WWC2: variants seen among roughly 807,000 people sequenced by gnomAD.
WWC2 encodes protein WWC2.
WWC2 carries 101 observed loss-of-function variants against 138.5 expected under a neutral mutation model. The observed-to-expected ratio is 0.73, with a 90% confidence interval of 0.62 to 0.86. The LOEUF is 0.86. Ranked by LOEUF, WWC2 falls within the 40% of genes least tolerant of loss-of-function variation. The pLI is 0.00. For missense variants in WWC2, 1,420 were observed against 1,419.4 expected (o/e 1.00, Z -0.01); for synonymous variants, 558 against 538.4 (o/e 1.04, Z -0.50).
At chr4:183,111,779 A>C (rs1732240408) in intron 1 of WWC2, among the ~76,000 whole-genome samples, 1 of 150,754 alleles carries the variant, frequency 6.6e-6, no homozygotes, top group South Asian at 2.1e-4. Flanking sequence ...TTGCAGCCTC[A>C]ATCTCCCTGG....
intron 1 of WWC2, among the ~76,000 whole-genome samples, chr4:183,188,490 A>ACCTTG (rs1734881234): frequency 6.6e-6 from 1 of 152,124 alleles, no homozygotes; most frequent in Non-Finnish European, 1.5e-5. Flanking sequence ...TGCCTGTCTC[A>ACCTTG]GCATCCCAAA....
At chr4:183,298,534 T>G (rs1398414648) in intron 21 of WWC2, among the ~76,000 whole-genome samples, 1 of 152,184 alleles carries the variant, frequency 6.6e-6, no homozygotes, top group African/African-American at 2.4e-5. Context: ...TGGCTTCACT[T>G]TCTCATTACC....
intron 4 of WWC2, among the ~76,000 whole-genome samples, chr4:183,229,010 C>G (rs575987192): frequency 6.6e-6 from 1 of 152,102 alleles, no homozygotes; most frequent in African/African-American, 2.4e-5. Context: ...AAAGACAAAA[C>G]TATTTACAGG....
At chr4:183,225,291 A>G (rs966679354) in intron 4 of WWC2, among the ~76,000 whole-genome samples, 1 of 152,244 alleles carries the variant, frequency 6.6e-6, no homozygotes, top group Non-Finnish European at 1.5e-5. Flanking sequence ...GATCAATGGA[A>G]CTGAACATCC....
At position 183,319,450 on chromosome 4, in the gene WWC2, C is replaced by A; in HGVS notation, c.*3721C>A. 1 of 1,185,878 alleles carries A rather than the reference C, an allele frequency of 8.4e-7. No homozygotes were observed. Among genetic ancestry groups the A allele is most frequent in the East Asian group, 2.4e-5 (1 of 42,352 alleles). 73.5% of individuals were successfully genotyped at this position (1,185,878 alleles called of 1,614,324 possible). A position where few individuals can be genotyped will look rare whatever the true frequency, so the allele number is the denominator to read the frequency against. The stretch of plus-strand genomic sequence containing the variant: ...AGTTTAATAGCCACAGGAAAAGATG[C>A]ATTTTCAAAAATCAAAAGCACAGTG... On this transcript the variant is annotated 3_prime_UTR_variant, in exon 23 of 23. Coordinates refer to ENST00000403733, the MANE Select transcript of WWC2 (RefSeq NM_024949.6).
chr4:183,283,573 G>A (rs926094511), intron 18 of WWC2, among the ~76,000 whole-genome samples: 1 of 152,214 alleles, frequency 6.6e-6, no homozygotes, highest in African/African-American at 2.4e-5. Flanking sequence ...CAAGAGGCAG[G>A]TTTGGAATCA....
At chr4:183,157,355 T>C (rs1343249160) in intron 1 of WWC2, among the ~76,000 whole-genome samples, 1 of 152,180 alleles carries the variant, frequency 6.6e-6, no homozygotes, top group East Asian at 1.9e-4. Flanking sequence ...CATGATGATG[T>C]CTCTTGGTTC....
chr4:183,257,657 A>C (rs960097158), intron 9 of WWC2, among the ~76,000 whole-genome samples: 3 of 152,128 alleles, frequency 2.0e-5, no homozygotes, highest in Non-Finnish European at 4.4e-5. Flanking sequence ...AGCATTTCAC[A>C]TGAAATACAC....
intron 1 of WWC2, among the ~76,000 whole-genome samples, chr4:183,138,827 A>C (rs1733203687): frequency 6.6e-6 from 1 of 152,146 alleles, no homozygotes; most frequent in South Asian, 2.1e-4. Context: ...TGTCTTAAGC[A>C]GGATTGTTGG....
rs61599876 is a variant in WWC2, at chr4:183,172,556, G to GTT, written c.132-21026_132-21025dup. On this transcript the variant is annotated intron_variant, in intron 1 of 22. Transcript: ENST00000403733. ...GAGGTCTGATGCTTTTATGTTTCTT[G>GTT]TTTTTTTTTTTTTTTTTTGTTATTG... Among the ~76,000 whole-genome samples the GTT allele has an allele frequency of 4.8e-3, 541 of 113,022 alleles. 10 individuals carry two copies. Among genetic ancestry groups the GTT allele is most frequent in the East Asian group, 5.7e-3 (21 of 3,706 alleles). The allele number at this position is 113,022 out of a possible 152,430, so 74.1% of individuals were successfully genotyped here.
chr4:183,300,961 A>G (rs1738820584), intron 21 of WWC2, among the ~76,000 whole-genome samples: 1 of 152,156 alleles, frequency 6.6e-6, no homozygotes, highest in African/African-American at 2.4e-5. Flanking sequence ...TTCCTATCTG[A>G]TAAAATCACT....
rs189604624 is a variant in WWC2, at chr4:183,287,698, T to A, written c.3141+1639T>A. ...ATGAGGACAAAAGTATCTGCAAAGA[T>A]GAGGAAAAGGTTCATCTGAATAGAA... On this transcript the variant is annotated intron_variant, in intron 20 of 22. Coordinates refer to ENST00000403733, the MANE Select transcript of WWC2 (RefSeq NM_024949.6). 4.5e-3 allele frequency among the ~76,000 whole-genome samples: 684 copies of A among 152,270 alleles called. 4 individuals carry two copies. Among genetic ancestry groups the A allele is most frequent in the African/African-American group, 0.016 (655 of 41,542 alleles).
chr4:183,245,984 T>C (rs1356210648), intron 6 of WWC2, among the ~76,000 whole-genome samples: 2 of 152,156 alleles, frequency 1.3e-5, no homozygotes, highest in Non-Finnish European at 2.9e-5. Context: ...TTAGAAAAGT[T>C]TTCCGACCCA....
intron 1 of WWC2, among the ~76,000 whole-genome samples, chr4:183,151,147 T>C (rs1355444997): frequency 6.6e-6 from 1 of 152,206 alleles, no homozygotes; most frequent in Non-Finnish European, 1.5e-5. Context: ...GAATTTATAC[T>C]CCCACCAACA....
intron 1 of WWC2, among the ~76,000 whole-genome samples, chr4:183,143,157 ATTAAC>A (rs1241797566): frequency 1.3e-5 from 2 of 152,206 alleles, no homozygotes; most frequent in Non-Finnish European, 2.9e-5. Flanking sequence ...TAATATTAAA[ATTAAC>A]TTAGCAGTTT....
chr4:183,183,462 T>C (rs1463397315), intron 1 of WWC2, among the ~76,000 whole-genome samples: 1 of 152,150 alleles, frequency 6.6e-6, no homozygotes, highest in Admixed American at 6.5e-5. Context: ...CCCCACATCC[T>C]CACCAGAGTG....
At chr4:183,265,165 G>T in intron 12 of WWC2, 58 bp downstream of exon 12, 2 of 1,546,996 alleles carry the variant, frequency 1.3e-6, no homozygotes, top group Non-Finnish European at 1.7e-6. Context: ...CGTGGATGTG[G>T]GTTATATGCT....
chr4:183,254,642 A>G (rs1737082199), intron 9 of WWC2, among the ~76,000 whole-genome samples: 1 of 152,348 alleles, frequency 6.6e-6, no homozygotes. Context: ...TCAGTTTGAC[A>G]TGAACGCATC....
intron 21 of WWC2, among the ~76,000 whole-genome samples, chr4:183,303,123 G>A (rs1181844707): frequency 6.6e-6 from 1 of 151,136 alleles, no homozygotes; most frequent in Admixed American, 6.6e-5. Context: ...CTGTTTTTGA[G>A]TATGTATTGG....
Sources: gnomAD v4.1 joint callset for allele counts (sites outside exome capture counted in the v4.1 genomes callset) on GRCh38, gnomAD v4.1.1 for gene constraint, MANE v1.5 for transcripts, NCBI Gene and HGNC (gene_info 2026-07-23, HGNC 2026-07-21) for gene names.